PKHD1L1: variants seen among roughly 807,000 people sequenced by gnomAD.
PKHD1L1 encodes the protein PKHD1 like 1, also known as fibrocystin-L.
A neutral mutation model predicts 462.9 loss-of-function variants in PKHD1L1; 434 were observed. That is an observed-to-expected ratio of 0.94 (90% CI 0.87 to 1.02). The LOEUF (loss-of-function observed/expected upper bound fraction) is 1.02. PKHD1L1 is among the 50% of genes least tolerant of loss of function. The probability of loss-of-function intolerance (pLI) is 0.00; values close to 1 mark genes in which losing one functional copy is unlikely to be tolerated. For synonymous variants in PKHD1L1, 1,781 were observed against 1,750.0 expected, an observed-to-expected ratio of 1.02 and a Z score of -0.44; for missense variants, 5,202 against 5,096.1, an observed-to-expected ratio of 1.02 and a Z score of -0.63.
chr8:109,492,647 T>C (rs1023089241), intron 62 of PKHD1L1, among the ~76,000 whole-genome samples: 1 of 151,920 alleles, frequency 6.6e-6, no homozygotes, highest in East Asian at 1.9e-4. Flanking sequence ...GTTAAAAATA[T>C]TCTCTTTTTA....
intron 4 of PKHD1L1, among the ~76,000 whole-genome samples, chr8:109,383,171 TACA>T (rs1812231980): frequency 8.3e-5 from 7 of 84,208 alleles, no homozygotes; most frequent in African/African-American, 2.9e-4. Flanking sequence ...ATATAATATA[TACA>T]ATAATATATA....
In PKHD1L1 at chr8:109,440,837, A is replaced by C. The variant is rs114105023; in HGVS notation, c.4084A>C (p.Asn1362His). 1.2e-3 allele frequency: 1,875 copies of C among 1,612,608 alleles called. 20 individuals are homozygous for C. In the African/African-American group the frequency reaches 0.022, roughly 19 times the overall value. Residue 1362 changes from asparagine to histidine, a missense_variant, in exon 33 of 78, where the codon AAT (asparagine) becomes CAT (histidine). Coordinates refer to ENST00000378402, the MANE Select transcript of PKHD1L1 (RefSeq NM_177531.6). ...TGGATTCAGCACAATACCAGCTGAG[A>C]ATACCGTGCTGTTAGGTAAGAGCTT... ...GFGFSTIPAE[N>H]TVLLGSIPCN...
chr8:109,467,054 C>T (rs1169749881), intron 50 of PKHD1L1, among the ~76,000 whole-genome samples: 1 of 151,978 alleles, frequency 6.6e-6, no homozygotes, highest in Non-Finnish European at 1.5e-5. Flanking sequence ...AAAAATGTAC[C>T]AGTGTTCCTG....
intron 9 of PKHD1L1, among the ~76,000 whole-genome samples, chr8:109,393,965 G>A (rs570603419): frequency 6.6e-6 from 1 of 151,636 alleles, no homozygotes; most frequent in Non-Finnish European, 1.5e-5. Context: ...CGAGGTTAAG[G>A]GATCGAGACC....
chr8:109,467,025 C>G (rs1422053130), intron 50 of PKHD1L1, among the ~76,000 whole-genome samples: 1 of 152,048 alleles, frequency 6.6e-6, no homozygotes, highest in Non-Finnish European at 1.5e-5. Context: ...GGAGCGTTGG[C>G]ACAGCCCTTG....
chr8:109,412,538 C>A, intron 20 of PKHD1L1, 124 bp downstream of exon 20: 1 of 993,414 alleles, frequency 1.0e-6, no homozygotes, highest in East Asian at 2.7e-5. Context: ...GTAACAGGCA[C>A]CGAAGTGTAC....
intron 11 of PKHD1L1, among the ~76,000 whole-genome samples, chr8:109,396,868 T>A (rs1338612496): frequency 6.6e-6 from 1 of 152,208 alleles, no homozygotes; most frequent in Non-Finnish European, 1.5e-5. Context: ...AAGTACTTTC[T>A]ACCTTTTACA....
At chr8:109,512,123 A>C (rs1406923208) in intron 71 of PKHD1L1, among the ~76,000 whole-genome samples, 1 of 151,876 alleles carries the variant, frequency 6.6e-6, no homozygotes, top group Admixed American at 6.6e-5. Flanking sequence ...AGGTCGCGAA[A>C]ATTTTCTCCC....
intron 21 of PKHD1L1, among the ~76,000 whole-genome samples, chr8:109,416,163 G>T (rs960668936): frequency 2.0e-5 from 3 of 152,038 alleles, no homozygotes; most frequent in African/African-American, 7.2e-5. Context: ...GCTTTTCAAA[G>T]GATTCTTCAG....
At chr8:109,455,541 A>T (rs539273439) in intron 45 of PKHD1L1, among the ~76,000 whole-genome samples, 14 of 152,286 alleles carry the variant, frequency 9.2e-5, no homozygotes, top group Admixed American at 2.6e-4. Context: ...TATATATATA[A>T]AAAGACTAAG....
chr8:109,438,199 C>A, intron 30 of PKHD1L1, 125 bp from the exon 31 acceptor site: 1 of 704,880 alleles, frequency 1.4e-6, no homozygotes. Flanking sequence ...TGAAAACTGA[C>A]TCTGATCTTG....
Position 109,479,575 on chromosome 8 carries a change from G to T in PKHD1L1, c.9114G>T (p.Trp3038Cys). 1 of 1,528,544 alleles carries T rather than the reference G, an allele frequency of 6.5e-7. No homozygotes were observed. Among genetic ancestry groups the T allele is most frequent in the South Asian group, 1.2e-5 (1 of 85,286 alleles). 94.7% of individuals were successfully genotyped at this position (1,528,544 alleles called of 1,614,324 possible). A position where few individuals can be genotyped will look rare whatever the true frequency, so the allele number is the denominator to read the frequency against. ...GTTTATGGTCAAATGATTCTTTTTG[G>T]CAATCATCACGAGAAAATAATTATA... ...TYNLWSNDSF[W>C]QSSRENNYTV... The change falls in exon 54 of 78, where the codon TGG (tryptophan) becomes TGT (cysteine). Residue 3038 changes from tryptophan (W) to cysteine (C), a missense_variant. Coordinates refer to ENST00000378402, the MANE Select transcript of PKHD1L1 (RefSeq NM_177531.6).
rs2131046487 is a variant in PKHD1L1, at chr8:109,526,836, C to T, written c.12537C>T (p.Ser4179=). The T allele has an allele frequency of 6.3e-7, 1 of 1,580,826 alleles. No homozygotes were observed. The highest frequency in any genetic ancestry group is 8.6e-7 in the Non-Finnish European group (1 of 1,162,622). Residue 4179 remains serine, a synonymous_variant, in exon 77 of 78, where the codon TCC becomes TCT. Transcript: ENST00000378402. ...FILDNVVGVE[S]RTFSLLAESV... is the part of the protein sequence containing the mutation. ...TGGATAATGTTGTTGGGGTAGAATC[C>T]AGAACTTTCAGCCTGCTGGCAGAGT... is the stretch of plus-strand genomic sequence containing the variant.
chr8:109,460,775 A>T (rs953527713), intron 47 of PKHD1L1, among the ~76,000 whole-genome samples: 1 of 152,186 alleles, frequency 6.6e-6, no homozygotes, highest in Non-Finnish European at 1.5e-5. Flanking sequence ...CATTCATGCT[A>T]CATGTGTCCC....
intron 21 of PKHD1L1, among the ~76,000 whole-genome samples, chr8:109,416,645 C>T (rs1157943080): frequency 6.6e-6 from 1 of 152,118 alleles, no homozygotes; most frequent in Non-Finnish European, 1.5e-5. Flanking sequence ...GAGAATGCTA[C>T]CATTCCACAG....
chr8:109,515,808 T>C (rs16879696), intron 72 of PKHD1L1, among the ~76,000 whole-genome samples: 4,248 of 152,252 alleles, frequency 0.028, 125 homozygotes, highest in African/African-American at 0.072. Flanking sequence ...AACTTATTCA[T>C]TGACCGATAT....
chr8:109,419,799 A>G (rs1814372095), intron 22 of PKHD1L1, among the ~76,000 whole-genome samples: 1 of 152,206 alleles, frequency 6.6e-6, no homozygotes, highest in Non-Finnish European at 1.5e-5. Context: ...CTTTTAAAAA[A>G]TTAACCTAAC....
intron 9 of PKHD1L1, among the ~76,000 whole-genome samples, chr8:109,391,565 A>G (rs1812713122): frequency 6.6e-6 from 1 of 152,210 alleles, no homozygotes; most frequent in African/African-American, 2.4e-5. Flanking sequence ...TCTGCCCAAG[A>G]TGTCATAGTG....
At chr8:109,519,314 C>G (rs1206511820) in intron 73 of PKHD1L1, among the ~76,000 whole-genome samples, 2 of 152,114 alleles carry the variant, frequency 1.3e-5, no homozygotes, top group Non-Finnish European at 2.9e-5. Flanking sequence ...TCAGTTTGGG[C>G]ACTTGAGTAA....
Sources: gnomAD v4.1 joint callset for allele counts (sites outside exome capture counted in the v4.1 genomes callset) on GRCh38, gnomAD v4.1.1 for gene constraint, MANE v1.5 for transcripts, NCBI Gene and HGNC (gene_info 2026-07-23, HGNC 2026-07-21) for gene names.